The following MAP7D2 variants were observed in gnomAD, a reference collection of about 807,000 sequenced individuals.
The protein encoded by MAP7D2 is MAP7 domain containing 2, also known as MAP7 domain-containing protein 2.
In MAP7D2, 33 loss-of-function variants were observed where a neutral mutation model predicts 63.5. The observed-to-expected ratio is 0.52, with a 90% CI of 0.39 to 0.70. The LOEUF (loss-of-function observed/expected upper bound fraction) is 0.70, where lower values mean the gene tolerates loss of function less well. Ranked by LOEUF, MAP7D2 falls within the 30% of genes least tolerant of loss-of-function variation. MAP7D2 has a pLI of 0.00. For synonymous variants in MAP7D2, 224 were observed against 223.7 expected, an observed-to-expected ratio of 1.00 and a Z score of -0.01; for missense variants, 626 against 604.0, an observed-to-expected ratio of 1.04 and a Z score of -0.38.
intron 1 of MAP7D2, among the ~76,000 whole-genome samples, chrX:20,078,827 T>C (rs2065708318): frequency 9.1e-6 from 1 of 109,921 alleles, no homozygotes. Context: ...CACCACCATG[T>C]CTACTACCAC....
Position 20,044,680 on chromosome X carries a change from G to A in MAP7D2, c.719-156C>T, listed in dbSNP as rs1182278835. On this transcript the variant is annotated intron_variant, in intron 6 of 16. Coordinates refer to ENST00000379643, the MANE Select transcript of MAP7D2 (RefSeq NM_001168465.2). ...ACAGGATGGATCTTACCCTAAAAAG[G>A]CTCCCATACTCAAGAGTCAAGTTTA... Among the ~76,000 whole-genome samples, 6 of 111,358 alleles carry A rather than the reference G, an allele frequency of 5.4e-5. No individual in the cohort carries two copies. In the East Asian group the frequency reaches 1.1e-3, roughly 21 times the overall value.
intron 1 of MAP7D2, among the ~76,000 whole-genome samples, chrX:20,076,275 T>G (rs1380920621): frequency 8.9e-6 from 1 of 111,992 alleles, no homozygotes; most frequent in East Asian, 2.8e-4. Context: ...ACCCAATTCA[T>G]TCCTTGCAAC....
At chrX:20,034,066 T>C (rs1603362301) in intron 8 of MAP7D2, among the ~76,000 whole-genome samples, 1 of 106,408 alleles carries the variant, frequency 9.4e-6, no homozygotes, top group Non-Finnish European at 1.9e-5. Flanking sequence ...CTCTACTAAA[T>C]ATACAAAAAT....
intron 1 of MAP7D2, among the ~76,000 whole-genome samples, chrX:20,080,075 G>T (rs1253402273): frequency 9.0e-6 from 1 of 111,555 alleles, no homozygotes; most frequent in Non-Finnish European, 1.9e-5. Context: ...CCTCATCTGG[G>T]AGGCAGGAAT....
intron 1 of MAP7D2, among the ~76,000 whole-genome samples, chrX:20,101,663 A>C (rs1401185772): frequency 2.7e-5 from 3 of 112,837 alleles, no homozygotes; most frequent in South Asian, 3.6e-4. Context: ...ATCCAGCAAG[A>C]GAATTGATAA....
At chrX:20,012,657 G>A (rs1247756762) in intron 14 of MAP7D2, 122 bp from the exon 15 acceptor site, 1 of 570,259 alleles carries the variant, frequency 1.8e-6, no homozygotes, top group African/African-American at 2.3e-5. Flanking sequence ...CATCTTTTGT[G>A]GAAAGAGCCA....
chrX:20,079,165 GC>G (rs1486291056), intron 1 of MAP7D2, among the ~76,000 whole-genome samples: 1 of 110,908 alleles, frequency 9.0e-6, no homozygotes, highest in East Asian at 2.9e-4. Flanking sequence ...CTTCACTGTG[GC>G]CCTGTGAAGA....
intron 1 of MAP7D2, among the ~76,000 whole-genome samples, chrX:20,075,755 T>G (rs1248388555): frequency 2.7e-5 from 3 of 112,160 alleles, no homozygotes; most frequent in African/African-American, 9.7e-5. Context: ...GACTATTACA[T>G]GAAGTTCTGG....
At chrX:20,044,711 G>A (rs184423281) in intron 6 of MAP7D2, among the ~76,000 whole-genome samples, 187 bp from the exon 7 acceptor site, 34 of 111,652 alleles carry the variant, frequency 3.0e-4, no homozygotes, top group Non-Finnish European at 5.8e-4. Flanking sequence ...GTTTATTCAA[G>A]TTTATTTCAG....
intron 10 of MAP7D2, among the ~76,000 whole-genome samples, chrX:20,023,506 G>C (rs1008671348): frequency 5.3e-5 from 6 of 112,651 alleles, no homozygotes; most frequent in African/African-American, 3.2e-5. Flanking sequence ...CTGATTAGTA[G>C]TTAGGCAACG....
chrX:20,094,487 CATAT>C (rs1216874865), intron 1 of MAP7D2, among the ~76,000 whole-genome samples: 2,554 of 14,945 alleles, frequency 0.17, 347 homozygotes, highest in Non-Finnish European at 0.22. Context: ...AAAATACATA[CATAT>C]ATATATATAT....
intron 1 of MAP7D2, among the ~76,000 whole-genome samples, chrX:20,094,017 A>T: frequency 8.9e-6 from 1 of 112,152 alleles, no homozygotes; most frequent in Non-Finnish European, 1.9e-5. Context: ...TGAAAACCAG[A>T]GCACCCTGGT....
chrX:20,096,362 C>G (rs1364893201), intron 1 of MAP7D2, among the ~76,000 whole-genome samples: 1 of 83,881 alleles, frequency 1.2e-5, no homozygotes. Flanking sequence ...CTCAGGAGTT[C>G]GAGGTTGCAG....
At chrX:20,036,070 T>G (rs1471312679) in intron 8 of MAP7D2, among the ~76,000 whole-genome samples, 5 of 110,091 alleles carry the variant, frequency 4.5e-5, no homozygotes. Flanking sequence ...CACTTATTAA[T>G]GGGAGCTAAA....
chrX:20,041,962 T>C (rs1016112973), intron 8 of MAP7D2, among the ~76,000 whole-genome samples: 1 of 111,182 alleles, frequency 9.0e-6, no homozygotes, highest in Non-Finnish European at 1.9e-5. Flanking sequence ...GCCCAGGAGT[T>C]GGAGGCTATA....
chrX:20,055,624 G>T, intron 4 of MAP7D2: 1 of 400,752 alleles, frequency 2.5e-6, no homozygotes, highest in Non-Finnish European at 3.9e-6. Flanking sequence ...ATTGTGACAG[G>T]CCAGACTAAG....
intron 10 of MAP7D2, among the ~76,000 whole-genome samples, chrX:20,019,906 C>A (rs1356783412): frequency 8.9e-6 from 1 of 111,880 alleles, no homozygotes; most frequent in Non-Finnish European, 1.9e-5. Context: ...CACTCCTGGG[C>A]TGCCAATCAC....
intron 2 of MAP7D2, 125 bp downstream of exon 2, chrX:20,064,603 A>G (rs909025191): frequency 2.8e-5 from 15 of 540,422 alleles, no homozygotes; most frequent in Non-Finnish European, 4.4e-5. Flanking sequence ...TTCACGCCTG[A>G]TTCTTCATGT....
At chrX:20,022,847 A>G (rs2073702371) in intron 10 of MAP7D2, among the ~76,000 whole-genome samples, 1 of 112,817 alleles carries the variant, frequency 8.9e-6, no homozygotes, top group African/African-American at 3.2e-5. Context: ...GTGCTATCCA[A>G]TAGAACCTTC....
Sources: allele counts gnomAD v4.1 joint callset (sites outside exome capture counted in the v4.1 genomes callset), GRCh38; gene constraint gnomAD v4.1.1; transcripts MANE v1.5; gene names NCBI Gene and HGNC (gene_info 2026-07-23, HGNC 2026-07-21).